Variants in WDR62 observed in about 807,000 individuals in gnomAD.
The protein encoded by WDR62 is WD repeat domain 62, also known as WD repeat-containing protein 62.
A neutral mutation model predicts 160.6 loss-of-function variants in WDR62; 112 were observed. The ratio of observed to expected loss-of-function variants is 0.70; its 90% CI spans 0.60 to 0.82. The LOEUF (loss-of-function observed/expected upper bound fraction) is 0.82. Among genes scored for constraint, WDR62 ranks in the 40% least tolerant of loss-of-function variants. WDR62 has a pLI of 0.00. For synonymous variants in WDR62, 792 were observed against 815.1 expected, an observed-to-expected ratio of 0.97 and a Z score of 0.48; for missense variants, 1,819 against 1,983.8, an observed-to-expected ratio of 0.92 and a Z score of 1.58.
downstream of WDR62, among the ~76,000 whole-genome samples, chr19:36,105,384 C>A (rs1240870691): frequency 6.6e-6 from 1 of 152,164 alleles, no homozygotes; most frequent in Non-Finnish European, 1.5e-5. Context: ...CCTGCCAGTG[C>A]CTGAGAACTC....
intron 10 of WDR62, chr19:36,081,779 C>G (rs1599792655): frequency 1.4e-6 from 1 of 710,638 alleles, no homozygotes; most frequent in Non-Finnish European, 2.5e-6. Context: ...TCTATCCTCT[C>G]TGATTCTTTG....
intron 22 of WDR62, among the ~76,000 whole-genome samples, chr19:36,100,243 A>G (rs994783976): frequency 6.6e-6 from 1 of 152,028 alleles, no homozygotes; most frequent in South Asian, 2.1e-4. Context: ...TTTCTCTACT[A>G]TTTTCCAAAC....
At chr19:36,107,095 C>T (rs888274078), downstream of WDR62, among the ~76,000 whole-genome samples, 1 of 152,204 alleles carries the variant, frequency 6.6e-6, no homozygotes. Flanking sequence ...GTCTTCTGCT[C>T]CAAGGAGTAA....
intron 3 of WDR62, among the ~76,000 whole-genome samples, chr19:36,063,422 T>C (rs938156829): frequency 1.3e-5 from 2 of 151,490 alleles, no homozygotes; most frequent in Non-Finnish European, 2.9e-5. Context: ...CTAATTTTTG[T>C]ATTTTTTTTT....
intron 9 of WDR62, among the ~76,000 whole-genome samples, chr19:36,078,651 A>G (rs907707562): frequency 1.3e-5 from 2 of 151,816 alleles, no homozygotes; most frequent in African/African-American, 2.4e-5. Context: ...CCTGGCCAAC[A>G]TGGCAAAACC....
chr19:36,092,896 A>G, intron 19 of WDR62, 85 bp downstream of exon 19: 1 of 1,603,830 alleles, frequency 6.2e-7, no homozygotes, highest in Non-Finnish European at 8.5e-7. Context: ...AGTGGTGGCC[A>G]AGACAGCCCT....
intron 8 of WDR62, 111 bp downstream of exon 8, chr19:36,071,827 A>C: frequency 7.3e-7 from 1 of 1,368,600 alleles, no homozygotes; most frequent in Non-Finnish European, 9.8e-7. Context: ...ACAAATACCC[A>C]TCATGACTCT....
intron 9 of WDR62, among the ~76,000 whole-genome samples, chr19:36,080,848 A>G (rs1257827492): frequency 6.6e-6 from 1 of 152,168 alleles, no homozygotes; most frequent in Non-Finnish European, 1.5e-5. Flanking sequence ...TTGGCTGCAC[A>G]CTTTTAATCT....
downstream of WDR62, among the ~76,000 whole-genome samples, chr19:36,106,955 C>A (rs982546804): frequency 6.6e-6 from 1 of 152,168 alleles, no homozygotes; most frequent in African/African-American, 2.4e-5. Flanking sequence ...CCACCATTGC[C>A]CAAAACCTTG....
chr19:36,068,053 C>G (rs578079250), intron 7 of WDR62, 43 bp downstream of exon 7: 3 of 1,588,490 alleles, frequency 1.9e-6, no homozygotes, highest in South Asian at 1.1e-5. Context: ...GACTCTTTCT[C>G]GTGATATGTG....
chr19:36,110,328 C>T, the WDR62 span, among the ~76,000 whole-genome samples: 4 of 151,612 alleles, frequency 2.6e-5, no homozygotes, highest in African/African-American at 4.9e-5. Flanking sequence ...AAAATTAGCC[C>T]GGTGTGGTGG....
In WDR62 at chr19:36,105,008, A is replaced by G; in HGVS notation, c.4552A>G (p.Arg1518Gly). The change falls in exon 32 of 32, where the codon AGG (arginine) becomes GGG (glycine). Residue 1518 changes from arginine (R) to glycine (G), a missense_variant. Physicochemically the swap from Arg to Gly is moderately radical, Grantham distance 125. This residue lies in a region of WDR62 where 770 missense variants were observed against 734.2 expected (regional missense o/e 1.05). Coordinates refer to ENST00000401500, the MANE Select transcript of WDR62 (RefSeq NM_001083961.2). ...YSELLVQAVR[R>G]KARGH ...GGAGCTGCTGGTGCAGGCCGTGCGG[A>G]GGAAGGCACGGGGGCACTGAGGGCG... 6.2e-7 allele frequency: 1 copy of G among 1,600,932 alleles called. No homozygotes were observed. The highest frequency in any genetic ancestry group is 8.5e-7 in the Non-Finnish European group (1 of 1,177,748).
chr19:36,081,672 G>T, intron 10 of WDR62, 102 bp downstream of exon 10: 5 of 1,537,374 alleles, frequency 3.3e-6, no homozygotes, highest in Non-Finnish European at 4.5e-6. Flanking sequence ...TAGATGTTAG[G>T]TTCCATGAGG....
chr19:36,060,140 A>G (rs1475478665), intron 3 of WDR62, 110 bp downstream of exon 3: 2 of 1,139,420 alleles, frequency 1.8e-6, no homozygotes, highest in Admixed American at 3.4e-5. Flanking sequence ...TCATTCACTT[A>G]CATGTTGGCT....
chr19:36,059,217 T>A (rs1189417003), intron 2 of WDR62, among the ~76,000 whole-genome samples: 1 of 152,274 alleles, frequency 6.6e-6, no homozygotes, highest in Non-Finnish European at 1.5e-5. Flanking sequence ...TTCCTCTGCC[T>A]CTGTAAAACA....
At position 36,089,056 on chromosome 19, in the gene WDR62, T is replaced by C. The variant is rs775543268; in HGVS notation, c.1787T>C (p.Met596Thr). ...IKFAGNRDIQ[M>T]ISCGADKSIY... ...CCCCTAGGCAACAGAGACATCCAGA[T>C]GATCAGCTGTGGGGCTGACAAGAGC... The change falls in exon 14 of 32, where the codon ATG (methionine) becomes ACG (threonine). Residue 596 changes from methionine to threonine, a missense_variant. Physicochemically the swap from Met to Thr is moderately conservative, Grantham distance 81. This residue lies in a region of WDR62 where 934 missense variants were observed against 1,157.2 expected (regional missense o/e 0.81). Coordinates refer to ENST00000401500, the MANE Select transcript of WDR62 (RefSeq NM_001083961.2). 1 of 1,614,074 alleles carries C rather than the reference T, an allele frequency of 6.2e-7. No individual in the cohort carries two copies. The highest frequency in any genetic ancestry group is 8.5e-7 in the Non-Finnish European group (1 of 1,180,002).
chr19:36,065,912 G>A (rs749902926), intron 3 of WDR62, 46 bp from the exon 4 acceptor site: 1 of 1,600,920 alleles, frequency 6.2e-7, no homozygotes, highest in Non-Finnish European at 8.6e-7. Flanking sequence ...GGTCTGGCTG[G>A]CCACCCTCAG....
intron 3 of WDR62, chr19:36,060,506 C>T (rs1189626715): frequency 2.8e-5 from 5 of 179,258 alleles, no homozygotes; most frequent in East Asian, 2.6e-4. Flanking sequence ...GCTTTAGAAG[C>T]AGCCAGGGAT....
rs1971400751 is a variant in WDR62, at chr19:36,073,367, G to C, written c.1069G>C (p.Ala357Pro). 4 of 1,614,208 alleles carry C rather than the reference G, an allele frequency of 2.5e-6. No individual in the cohort carries two copies. Among genetic ancestry groups the C allele is most frequent in the Non-Finnish European group, 2.5e-6 (3 of 1,180,038 alleles). Residue 357 changes from alanine to proline, a missense_variant, in exon 9 of 32, where the codon GCA (alanine) becomes CCA (proline). Ala to Pro is a conservative substitution (Grantham distance 27). Around this residue, in one of 3 missense-constraint regions of WDR62, gnomAD observed 934 missense variants for 1,157.2 expected, o/e 0.81. Transcript: ENST00000401500. The part of the protein sequence containing the change: ...PSFLFHRKAE[A>P]VYPDTVALTF... ...CTTCCTCTTCCACAGGAAGGCGGAAGCAGTCTACCCAGATACAGTGGCACT... is the reference window on the plus strand; with the variant it reads ...CTTCCTCTTCCACAGGAAGGCGGAACCAGTCTACCCAGATACAGTGGCACT...
Sources: gnomAD v4.1 joint callset for allele counts (sites outside exome capture counted in the v4.1 genomes callset) on GRCh38, gnomAD v4.1.1 for gene constraint, gnomAD v4.1.1 regional missense constraint, MANE v1.5 for transcripts, NCBI Gene and HGNC (gene_info 2026-07-23, HGNC 2026-07-21) for gene names.